The following TAF4B variants were observed in gnomAD, a reference collection of about 807,000 sequenced individuals.
TAF4B encodes transcription initiation factor TFIID subunit 4B.
TAF4B carries 38 observed loss-of-function variants against 86.4 expected under a neutral mutation model. That is an observed-to-expected ratio of 0.44 (90% CI 0.34 to 0.58). The LOEUF (loss-of-function observed/expected upper bound fraction) is 0.58, where lower values mean the gene tolerates loss of function less well. Ranked by LOEUF, TAF4B falls within the 20% of genes least tolerant of loss-of-function variation. The pLI is 0.02. For missense variants in TAF4B, 988 were observed against 1,027.6 expected, an observed-to-expected ratio of 0.96 and a Z score of 0.53; for synonymous variants, 388 against 391.2, an observed-to-expected ratio of 0.99 and a Z score of 0.10.
intron 1 of TAF4B, among the ~76,000 whole-genome samples, chr18:26,249,477 CA>C (rs111318895): frequency 9.0e-4 from 124 of 138,546 alleles, no homozygotes; most frequent in Admixed American, 1.7e-3. Flanking sequence ...CTCTCTCTCT[CA>C]AAAAAAAAAA....
chr18:26,253,928 ATTAAT>A (rs556358091), intron 1 of TAF4B, among the ~76,000 whole-genome samples: 1,145 of 99,430 alleles, frequency 0.012, 16 homozygotes, highest in African/African-American at 0.042. Flanking sequence ...TATTTTGTTA[ATTAAT>A]TTATTTTTTT....
chr18:26,243,249 A>G (rs2055868390), intron 1 of TAF4B, among the ~76,000 whole-genome samples: 1 of 151,990 alleles, frequency 6.6e-6, no homozygotes, highest in Admixed American at 6.5e-5. Context: ...GTCTTTTTAC[A>G]TAGTCCCATA....
chr18:26,300,935 G>A (rs1400305851), intron 9 of TAF4B, among the ~76,000 whole-genome samples: 1 of 151,664 alleles, frequency 6.6e-6, no homozygotes, highest in African/African-American at 2.4e-5. Flanking sequence ...CTGTTATTGG[G>A]ACATCTCAAG....
At chr18:26,237,510 G>T (rs897138585) in intron 1 of TAF4B, among the ~76,000 whole-genome samples, 3 of 152,096 alleles carry the variant, frequency 2.0e-5, no homozygotes, top group African/African-American at 7.2e-5. Flanking sequence ...GTCCCTTGGA[G>T]ATTTCTTGCT....
rs1302095176 is a variant in TAF4B, at chr18:26,346,905, G to GTATATA, written c.2317-10784_2317-10783insATATAT. On this transcript the variant is annotated intron_variant, in intron 13 of 14. Coordinates refer to ENST00000269142, the MANE Select transcript of TAF4B (RefSeq NM_005640.3). ...TATATATATATATATATATATGTGT[G>GTATATA]TGTATATATATATATATAGTTTTTT... Among the ~76,000 whole-genome samples, 7 of 7,826 alleles carry GTATATA rather than the reference G, an allele frequency of 8.9e-4. 1 individual carries two copies. Among genetic ancestry groups the GTATATA allele is most frequent in the Non-Finnish European group, 2.3e-3 (6 of 2,608 alleles). The allele number at this position is 7,826 out of a possible 152,430, so 5.1% of individuals were successfully genotyped here.
At chr18:26,236,544 G>C (rs2055750842) in intron 1 of TAF4B, among the ~76,000 whole-genome samples, 1 of 152,180 alleles carries the variant, frequency 6.6e-6, no homozygotes, top group African/African-American at 2.4e-5. Context: ...GTGCCTTCCA[G>C]GGATTGCCCT....
At chr18:26,337,657 A>G (rs1407228870) in intron 13 of TAF4B, among the ~76,000 whole-genome samples, 1 of 152,092 alleles carries the variant, frequency 6.6e-6, no homozygotes, top group Admixed American at 6.6e-5. Flanking sequence ...TCCTGACCTC[A>G]GGTGATCTAC....
Position 26,265,169 on chromosome 18 carries a change from G to T in TAF4B, c.344-1G>T. On this transcript the variant is annotated splice_acceptor_variant, in intron 1 of 14. Coordinates refer to ENST00000269142, the MANE Select transcript of TAF4B (RefSeq NM_005640.3). LOFTEE classifies it high-confidence loss of function. The stretch of plus-strand genomic sequence containing the variant: ...CACTTTTTTTTCTTTTTTAAATATA[G>T]GAACCGTTTTGATTAAAAGTAACAG... 1.2e-6 allele frequency: 2 copies of T among 1,605,080 alleles called. No homozygotes were observed. Among genetic ancestry groups the T allele is most frequent in the South Asian group, 1.1e-5 (1 of 88,728 alleles).
At chr18:26,386,456 T>C (rs1371112706) in intron 14 of TAF4B, among the ~76,000 whole-genome samples, 1 of 152,176 alleles carries the variant, frequency 6.6e-6, no homozygotes, top group Non-Finnish European at 1.5e-5. Context: ...ATATAGAAAG[T>C]ACACAAGTCA....
At chr18:26,361,638 G>T (rs575050871) in intron 14 of TAF4B, among the ~76,000 whole-genome samples, 2 of 151,376 alleles carry the variant, frequency 1.3e-5, no homozygotes, top group East Asian at 2.0e-4. Context: ...CTAGCTACGT[G>T]GGGGGTTGAG....
At chr18:26,233,584 G>A (rs2055704566) in intron 1 of TAF4B, among the ~76,000 whole-genome samples, 1 of 152,196 alleles carries the variant, frequency 6.6e-6, no homozygotes, top group South Asian at 2.1e-4. Context: ...CCAGGGGCAG[G>A]CCTGATAACA....
chr18:26,261,613 C>G (rs1411655965), intron 1 of TAF4B, among the ~76,000 whole-genome samples: 1 of 152,208 alleles, frequency 6.6e-6, no homozygotes, highest in South Asian at 2.1e-4. Flanking sequence ...GCTGATTGCC[C>G]TATTGTTTTC....
chr18:26,273,640 C>T (rs1186601277), intron 3 of TAF4B, among the ~76,000 whole-genome samples: 1 of 152,176 alleles, frequency 6.6e-6, no homozygotes, highest in Non-Finnish European at 1.5e-5. Flanking sequence ...AGCAATCCTC[C>T]TGGCTCAGCC....
At chr18:26,237,029 C>A (rs1044081931) in intron 1 of TAF4B, among the ~76,000 whole-genome samples, 3 of 152,156 alleles carry the variant, frequency 2.0e-5, no homozygotes, top group Non-Finnish European at 2.9e-5. Context: ...TTGAATAATT[C>A]ATGGGCTTTT....
At chr18:26,325,774 C>A (rs992979597) in intron 11 of TAF4B, among the ~76,000 whole-genome samples, 2 of 152,114 alleles carry the variant, frequency 1.3e-5, no homozygotes, top group African/African-American at 4.8e-5. Context: ...ATAATGTATT[C>A]CATATTCTAT....
At chr18:26,353,339 A>G (rs929645982) in intron 13 of TAF4B, among the ~76,000 whole-genome samples, 1 of 152,234 alleles carries the variant, frequency 6.6e-6, no homozygotes, top group Non-Finnish European at 1.5e-5. Context: ...TTAATAGTCT[A>G]AGAAACACCA....
intron 13 of TAF4B, among the ~76,000 whole-genome samples, chr18:26,356,979 A>G (rs2057293446): frequency 6.6e-6 from 1 of 152,162 alleles, no homozygotes; most frequent in Admixed American, 6.5e-5. Context: ...CTGTACAACA[A>G]AACAGTACTA....
intron 3 of TAF4B, among the ~76,000 whole-genome samples, chr18:26,272,216 G>A (rs2056328812): frequency 6.6e-6 from 1 of 152,144 alleles, no homozygotes; most frequent in African/African-American, 2.4e-5. Flanking sequence ...AGATCATCAG[G>A]CATTAGATTC....
intron 11 of TAF4B, among the ~76,000 whole-genome samples, chr18:26,323,205 C>T (rs1225802805): frequency 2.0e-5 from 3 of 152,110 alleles, no homozygotes; most frequent in Non-Finnish European, 4.4e-5. Flanking sequence ...GTGTGTTCTG[C>T]TCTTGTTTCA....
Sources: gnomAD v4.1 joint callset for allele counts (sites outside exome capture counted in the v4.1 genomes callset) on GRCh38, gnomAD v4.1.1 for gene constraint, MANE v1.5 for transcripts, NCBI Gene and HGNC (gene_info 2026-07-23, HGNC 2026-07-21) for gene names.